The following DNHD1 variants were observed in gnomAD, a reference collection of about 807,000 sequenced individuals.
DNHD1 encodes the protein dynein heavy chain domain-containing protein 1.
Under a neutral mutation model 458.1 loss-of-function variants are expected in DNHD1, and 383 were observed. The observed-to-expected ratio is 0.84, with a 90% CI of 0.77 to 0.91. The LOEUF is 0.91. Ranked by LOEUF, DNHD1 falls within the 40% of genes least tolerant of loss-of-function variation. The pLI is 0.00. For synonymous variants in DNHD1, 2,203 were observed against 2,376.9 expected (o/e 0.93, Z 2.13); for missense variants, 5,336 against 5,866.1 (o/e 0.91, Z 2.95).
chr11:6,545,707 C>T lies in DNHD1; in HGVS notation c.4768C>T (p.Gln1590Ter). Reference sequence around the variant, plus strand: ...CCGGGATATAGCACAGCTGCTGGAACAGCACCAGGTCAGTGATCTCACAGA... The same window carrying T: ...CCGGGATATAGCACAGCTGCTGGAATAGCACCAGGTCAGTGATCTCACAGA... ...THRDIAQLLE[Q>*]HQVSDLTDFH... The change falls in exon 21 of 43, where the codon CAG (glutamine) becomes TAG (stop). Residue 1590 changes from glutamine (Q) to a stop codon, truncating the protein, a stop_gained. Transcript: ENST00000254579. LOFTEE classifies it high-confidence loss of function. This position sits in a 1 kb window ranked among gnomAD's most constrained non-coding sequence, Gnocchi z 4.9. 1.9e-6 allele frequency: 3 copies of T among 1,551,692 alleles called. No homozygotes were observed. The East Asian group carries it at 7.3e-5, about 38-fold the overall frequency.
rs376254723 is a variant in DNHD1 at position 6,539,123 on chromosome 11, AGCTGG to A, written c.3326-77_3326-73del. On this transcript the variant is annotated intron_variant, in intron 16 of 42. Transcript: ENST00000254579. ...TCTGAGATCTGCTATCTGGGGTCTGAGCTGGGCTGGGCTGGGCTGGGCTCTGGGAT... is the reference window on the plus strand; with the variant it reads ...TCTGAGATCTGCTATCTGGGGTCTGAGCTGGGCTGGGCTGGGCTCTGGGAT... 3.0e-5 allele frequency: 25 copies of A among 846,182 alleles called. No homozygotes were observed. In the East Asian group the frequency reaches 3.2e-4, roughly 11 times the overall value. 52.4% of individuals were successfully genotyped at this position (846,182 alleles called of 1,614,324 possible). A position where few individuals can be genotyped will look rare whatever the true frequency, so the allele number is the denominator to read the frequency against.
intron 14 of DNHD1, among the ~76,000 whole-genome samples, chr11:6,536,340 G>A (rs1852948078): frequency 1.3e-5 from 2 of 152,162 alleles, no homozygotes; most frequent in African/African-American, 4.8e-5. Context: ...AATATGGACA[G>A]TAGATTAAAA....
intron 35 of DNHD1, 23 bp downstream of exon 35, chr11:6,566,788 G>C: frequency 6.2e-7 from 1 of 1,605,422 alleles, no homozygotes; most frequent in South Asian, 1.1e-5. Context: ...TCAGTCTGTG[G>C]GTTGAGATGA....
Position 6,538,363 on chromosome 11 carries a change from A to T in DNHD1, c.2999-20A>T. 6.4e-7 allele frequency: 1 copy of T among 1,551,358 alleles called. No homozygotes were observed. The highest frequency in any genetic ancestry group is 1.2e-5 in the South Asian group (1 of 84,040). On this transcript the variant is annotated intron_variant, in intron 14 of 42. Transcript: ENST00000254579. ...CAACACTGCAAGTAGCCCAGGTCTC[A>T]AGTCAGCCCTCCCCCACAGAGGATG...
rs1853274979 is a variant in DNHD1 at position 6,548,730 on chromosome 11, C to T, written c.7184C>T (p.Ser2395Leu). The change falls in exon 24 of 43, where the codon TCA (serine) becomes TTA (leucine). Residue 2395 changes from serine (S) to leucine (L), a missense_variant. Physicochemically the swap from Ser to Leu is moderately radical, Grantham distance 145. Transcript: ENST00000254579. This position sits in a 1 kb window ranked among gnomAD's most constrained non-coding sequence, Gnocchi z 4.4. The stretch of plus-strand genomic sequence containing the variant: ...GCTGGAGAGGCAGCAACAGGGAAGT[C>T]AGCCTTTGTGGAGGTGCTGGTAGAG... The part of the protein sequence containing the change: ...LLAGEAATGK[S>L]AFVEVLVEPH... 3 of 1,551,654 alleles carry T rather than the reference C, an allele frequency of 1.9e-6. No individual in the cohort carries two copies. Among genetic ancestry groups the T allele is most frequent in the Non-Finnish European group, 2.6e-6 (3 of 1,146,988 alleles).
chr11:6,553,619 A>G (rs1853405733), intron 24 of DNHD1, among the ~76,000 whole-genome samples: 1 of 152,232 alleles, frequency 6.6e-6, no homozygotes, highest in Non-Finnish European at 1.5e-5. Context: ...CCCATAAAAA[A>G]CTACTACAAT....
Position 6,564,655 on chromosome 11 carries a change from T to A in DNHD1, c.10607T>A (p.Leu3536Gln), listed in dbSNP as rs1853658897. 2 of 1,551,748 alleles carry A rather than the reference T, an allele frequency of 1.3e-6. No homozygotes were observed. Among genetic ancestry groups the A allele is most frequent in the East Asian group, 2.4e-5 (1 of 40,920 alleles). The change falls in exon 32 of 43, where the codon CTG becomes CAG. Residue 3536 changes from leucine (L) to glutamine (Q), a missense_variant. Around this residue, in one of 4 missense-constraint regions of DNHD1, gnomAD observed 3,932 missense variants for 4,365.6 expected, o/e 0.90. Transcript: ENST00000254579. ...AAGCCACAGGCAAAGTCGGCCCACC[T>A]GGCAGGCTTGCTTCTGCGAAGCCCC... ...NLKPQAKSAHLAGLLLRSPTH... is the reference protein window; with the variant it reads ...NLKPQAKSAHQAGLLLRSPTH...
At chr11:6,517,863 C>A (rs1050660001) in intron 7 of DNHD1, among the ~76,000 whole-genome samples, 1 of 151,888 alleles carries the variant, frequency 6.6e-6, no homozygotes, top group African/African-American at 2.4e-5. Context: ...TCACAAATTT[C>A]TTTGCCCATC....
At position 6,570,711 on chromosome 11, in the gene DNHD1, GC is replaced by G; in HGVS notation, c.13204del (p.Gln4402LysfsTer13). The G allele has an allele frequency of 6.2e-7, 1 of 1,611,044 alleles. No homozygotes were observed. Among genetic ancestry groups the G allele is most frequent in the Non-Finnish European group, 8.5e-7 (1 of 1,178,714 alleles). On this transcript the variant is annotated frameshift_variant, in exon 42 of 43. Transcript: ENST00000254579. LOFTEE classifies it high-confidence loss of function. ...PEPRLCGLSE[G>X]PQAWLLRRQS... ...CCCCGGCTCTGCGGACTGAGTGAGG[GC>G]CCCCAAGCCTGGCTGTTGCGACGCC...
In DNHD1 at chr11:6,546,239, A is replaced by G; in HGVS notation, c.5300A>G (p.Tyr1767Cys). Reference protein sequence around the residue: ...GELHHLYAPLYQEASRNTSTI... With the variant: ...GELHHLYAPLCQEASRNTSTI... ...CTGCACCACTTGTATGCCCCACTGT[A>G]CCAGGAGGCTTCCCGAAACACAAGC... Residue 1767 changes from tyrosine to cysteine, a missense_variant, in exon 21 of 43, where the codon TAC (tyrosine) becomes TGC (cysteine). Coordinates refer to ENST00000254579, the MANE Select transcript of DNHD1 (RefSeq NM_144666.3). 1 of 1,552,138 alleles carries G rather than the reference A, an allele frequency of 6.4e-7. No homozygotes were observed. Among genetic ancestry groups the G allele is most frequent in the Non-Finnish European group, 8.7e-7 (1 of 1,147,086 alleles).
chr11:6,568,573 C>G lies in DNHD1; in HGVS notation c.12658C>G (p.Pro4220Ala), dbSNP rs759354641. 6.8e-6 allele frequency: 11 copies of G among 1,613,788 alleles called. No individual in the cohort carries two copies. The highest frequency in any genetic ancestry group is 1.3e-5 in the African/African-American group (1 of 74,902). The change falls in exon 38 of 43, where the codon CCA becomes GCA. Residue 4220 changes from proline (P) to alanine (A), a missense_variant. By Grantham distance (27) the Pro-to-Ala change is conservative. This residue lies in a region of DNHD1 where 695 missense variants were observed against 804.2 expected (regional missense o/e 0.86). Transcript: ENST00000254579. ...GCCTGCAGAGTCTAGTGCTTCTTTG[C>G]CAGGTGAGGAGCTTAACCCCCTACA... ...IVPAESSASL[P>A]AVLTQHSMPV...
intron 28 of DNHD1, among the ~76,000 whole-genome samples, chr11:6,560,799 C>T (rs1025044074): frequency 6.6e-6 from 1 of 152,172 alleles, no homozygotes; most frequent in African/African-American, 2.4e-5. Flanking sequence ...CTGGGCCCCT[C>T]CATCTCTTTA....
At chr11:6,511,875 G>A (rs1009012927) in intron 7 of DNHD1, among the ~76,000 whole-genome samples, 1 of 152,166 alleles carries the variant, frequency 6.6e-6, no homozygotes, top group African/African-American at 2.4e-5. Flanking sequence ...CATCTGTGAT[G>A]CACAACCCCT....
rs1852207883 is a variant in DNHD1 at position 6,505,236 on chromosome 11, TTTTA to T, written c.920+2314_920+2317del. Among the ~76,000 whole-genome samples the T allele has an allele frequency of 6.6e-6, 1 of 151,888 alleles. No homozygotes were observed. Among genetic ancestry groups the T allele is most frequent in the South Asian group, 2.1e-4 (1 of 4,812 alleles). Reference sequence around the variant, plus strand: ...TGTTCCTCTAGTTCTGGAGCTGGTTTTTTATTTTTATTTTTATTATTTTTTTTTA... The same window carrying T: ...TGTTCCTCTAGTTCTGGAGCTGGTTTTTTTTATTTTTATTATTTTTTTTTA... On this transcript the variant is annotated intron_variant, in intron 4 of 42. Transcript: ENST00000254579. The surrounding 1 kb of genome is among the most constrained non-coding windows in gnomAD (Gnocchi z 4.4).
rs1309295166 is a variant in DNHD1 at position 6,570,471 on chromosome 11, C to T, written c.13105+75C>T. 24 of 1,507,352 alleles carry T rather than the reference C, an allele frequency of 1.6e-5. No homozygotes were observed. The East Asian group carries it at 4.8e-4, about 30-fold the overall frequency. 93.4% of individuals were successfully genotyped at this position (1,507,352 alleles called of 1,614,324 possible). A position where few individuals can be genotyped will look rare whatever the true frequency, so the allele number is the denominator to read the frequency against. The stretch of plus-strand genomic sequence containing the variant: ...ATGCCACCCCCCACAGAAATGTGGA[C>T]AGCAGTCTCAATAAAGGTATATGAG... On this transcript the variant is annotated intron_variant, in intron 41 of 42. Transcript: ENST00000254579.
intron 12 of DNHD1, among the ~76,000 whole-genome samples, chr11:6,529,719 T>G (rs1852788284): frequency 6.6e-6 from 1 of 152,182 alleles, no homozygotes; most frequent in Admixed American, 6.5e-5. Context: ...GGAAGGCCGG[T>G]GGGCTGGCTT....
At chr11:6,556,604 T>C in intron 24 of DNHD1, 79 bp from the exon 25 acceptor site, 1 of 1,359,752 alleles carries the variant, frequency 7.4e-7, no homozygotes, top group Non-Finnish European at 9.8e-7. Flanking sequence ...GAACCGTGTG[T>C]GGCAGGAATA....
In DNHD1 at chr11:6,570,995, T is replaced by A. The variant is rs755565507; in HGVS notation, c.13483T>A (p.Leu4495Met). The A allele has an allele frequency of 6.2e-7, 1 of 1,601,702 alleles. No individual in the cohort carries two copies. The highest frequency in any genetic ancestry group is 8.5e-7 in the Non-Finnish European group (1 of 1,171,136). Residue 4495 changes from leucine (L) to methionine (M), a missense_variant, in exon 42 of 43, where the codon TTG becomes ATG. Leu to Met is a conservative substitution (Grantham distance 15, BLOSUM62 2). Around this residue, in one of 4 missense-constraint regions of DNHD1, gnomAD observed 698 missense variants for 664.9 expected, o/e 1.05. Coordinates refer to ENST00000254579, the MANE Select transcript of DNHD1 (RefSeq NM_144666.3). Reference protein sequence around the residue: ...LETEALELSQLVGTLQRDLDC... With the variant: ...LETEALELSQMVGTLQRDLDC... ...GACCGAGGCTCTAGAACTGAGCCAG[T>A]TGGTGGGCACGCTACAACGCGACCT...
rs1442669304 is a variant in DNHD1 at position 6,509,025 on chromosome 11, C to T, written c.1066C>T (p.Gln356Ter). ...GTWHHHCVLW[Q>*]QLQFIPFFKY... ...CTGGCACCATCACTGTGTTCTCTGG[C>T]AGCAGCTCCAGTTCATTCCATTCTT... Residue 356 changes from glutamine (Q) to a stop codon, truncating the protein, a stop_gained, in exon 5 of 43, where the codon CAG (glutamine) becomes TAG (stop). Coordinates refer to ENST00000254579, the MANE Select transcript of DNHD1 (RefSeq NM_144666.3). LOFTEE classifies it high-confidence loss of function. 4 of 1,614,124 alleles carry T rather than the reference C, an allele frequency of 2.5e-6. No individual in the cohort carries two copies. The highest frequency in any genetic ancestry group is 1.1e-5 in the South Asian group (1 of 91,092).
Sources: allele counts gnomAD v4.1 joint callset (sites outside exome capture counted in the v4.1 genomes callset), GRCh38; gene constraint gnomAD v4.1.1; regional missense constraint gnomAD v4.1.1; non-coding constraint Gnocchi (gnomAD v3.1); transcripts MANE v1.5; gene names NCBI Gene and HGNC (gene_info 2026-07-23, HGNC 2026-07-21).